The following GRID2 variants were observed in gnomAD, a reference collection of about 807,000 sequenced individuals.
GRID2 encodes the protein glutamate ionotropic receptor delta type subunit 2, also known as glutamate receptor ionotropic, delta-2.
In GRID2, 33 loss-of-function variants were observed where a neutral mutation model predicts 114.8. The ratio of observed to expected loss-of-function variants is 0.29; its 90% CI spans 0.22 to 0.38. The LOEUF (loss-of-function observed/expected upper bound fraction) is 0.38, where lower values mean the gene tolerates loss of function less well. Among genes scored for constraint, GRID2 ranks in the 10% least tolerant of loss-of-function variants. The probability of loss-of-function intolerance (pLI) is 1.00; values close to 1 mark genes in which losing one functional copy is unlikely to be tolerated. For synonymous variants in GRID2, 505 were observed against 449.9 expected (o/e 1.12, Z -1.55); for missense variants, 1,184 against 1,257.7 (o/e 0.94, Z 0.89).
At chr4:93,412,023 A>C (rs975738397) in intron 9 of GRID2, among the ~76,000 whole-genome samples, 57 of 152,084 alleles carry the variant, frequency 3.7e-4, no homozygotes, top group Admixed American at 3.2e-3. Flanking sequence ...AAAATGACCT[A>C]TAGTCCAACT....
chr4:93,681,662 A>G (rs1250952843), intron 14 of GRID2, among the ~76,000 whole-genome samples: 1 of 152,232 alleles, frequency 6.6e-6, no homozygotes, highest in African/African-American at 2.4e-5. Context: ...CAAACCTGAC[A>G]AAAACAACCA....
At chr4:93,764,712 A>C (rs1444240439) in intron 14 of GRID2, among the ~76,000 whole-genome samples, 1 of 152,166 alleles carries the variant, frequency 6.6e-6, no homozygotes, top group Non-Finnish European at 1.5e-5. Context: ...AGCTAAACTT[A>C]TTTCTAATAG....
At chr4:93,115,597 CT>C (rs1194656872) in intron 4 of GRID2, among the ~76,000 whole-genome samples, 1 of 152,006 alleles carries the variant, frequency 6.6e-6, no homozygotes, top group Non-Finnish European at 1.5e-5. Context: ...TCTCATGCTG[CT>C]GATAAGGCCA....
intron 2 of GRID2, among the ~76,000 whole-genome samples, chr4:92,830,719 G>T (rs924501813): frequency 1.3e-5 from 2 of 152,106 alleles, no homozygotes; most frequent in Non-Finnish European, 2.9e-5. Context: ...TATTTTTTAA[G>T]TTGTTTTCTT....
chr4:93,479,567 C>A (rs72668766), intron 11 of GRID2, among the ~76,000 whole-genome samples: 1 of 152,080 alleles, frequency 6.6e-6, no homozygotes, highest in South Asian at 2.1e-4. Flanking sequence ...GGCCAAAGGC[C>A]TGAGAACCTG....
intron 1 of GRID2, among the ~76,000 whole-genome samples, chr4:92,341,973 T>C (rs1727516286): frequency 6.6e-6 from 1 of 151,962 alleles, no homozygotes; most frequent in Non-Finnish European, 1.5e-5. Flanking sequence ...TCATCCATTG[T>C]ACCTTGCTGG....
intron 4 of GRID2, among the ~76,000 whole-genome samples, chr4:93,205,817 C>T (rs1437538112): frequency 6.6e-6 from 1 of 152,010 alleles, no homozygotes; most frequent in Non-Finnish European, 1.5e-5. Context: ...TCTCCAGCAC[C>T]TGTTGTTTCC....
At chr4:93,388,920 G>C (rs1764584255) in intron 8 of GRID2, among the ~76,000 whole-genome samples, 1 of 152,162 alleles carries the variant, frequency 6.6e-6, no homozygotes, top group Non-Finnish European at 1.5e-5. Context: ...CTTAATCTTA[G>C]AGATATCTGA....
At chr4:93,613,944 C>G (rs914324596) in intron 13 of GRID2, among the ~76,000 whole-genome samples, 6 of 151,856 alleles carry the variant, frequency 4.0e-5, no homozygotes, top group Middle Eastern at 3.4e-3. Context: ...TCTCAGACTG[C>G]TGTGCTAGCA....
chr4:93,659,204 A>G (rs1264212359), intron 14 of GRID2, among the ~76,000 whole-genome samples: 2 of 152,190 alleles, frequency 1.3e-5, no homozygotes, highest in Admixed American at 1.3e-4. Context: ...AAAGGGCCAT[A>G]TGACATCCCA....
intron 1 of GRID2, among the ~76,000 whole-genome samples, chr4:92,571,095 G>A (rs1259793554): frequency 6.6e-6 from 1 of 151,986 alleles, no homozygotes; most frequent in Admixed American, 6.6e-5. Flanking sequence ...AGCATATATG[G>A]CTGTTATTAT....
chr4:92,829,828 A>G (rs1289444748), intron 2 of GRID2, among the ~76,000 whole-genome samples: 2 of 152,086 alleles, frequency 1.3e-5, no homozygotes, highest in Non-Finnish European at 2.9e-5. Flanking sequence ...AAACTAACAC[A>G]GCAATGGAAA....
intron 2 of GRID2, among the ~76,000 whole-genome samples, chr4:92,895,970 A>G (rs771240200): frequency 9.8e-5 from 15 of 152,318 alleles, no homozygotes; most frequent in East Asian, 1.9e-4. Context: ...CATGATTTAC[A>G]TAACAGAAAA....
At position 92,470,873 on chromosome 4, in the gene GRID2, T is replaced by C. The variant is rs553434181; in HGVS notation, c.89-119258T>C. On this transcript the variant is annotated intron_variant, in intron 1 of 15. Transcript: ENST00000282020. Reference sequence around the variant, plus strand: ...TTTTCCCATTTTACAGATTTAAAAATGATGCTTTCAAAGTAGGCTTAACTG... The same window carrying C: ...TTTTCCCATTTTACAGATTTAAAAACGATGCTTTCAAAGTAGGCTTAACTG... 2.0e-5 allele frequency among the ~76,000 whole-genome samples: 3 copies of C among 152,162 alleles called. No individual in the cohort carries two copies. In the East Asian group the frequency reaches 5.8e-4, roughly 29 times the overall value.
chr4:92,971,152 A>G (rs1422827178), intron 2 of GRID2, among the ~76,000 whole-genome samples: 1 of 152,020 alleles, frequency 6.6e-6, no homozygotes, highest in African/African-American at 2.4e-5. Flanking sequence ...AAAGCTTTAA[A>G]CTAAATAAGT....
chr4:92,967,372 T>C (rs1173798827), intron 2 of GRID2, among the ~76,000 whole-genome samples: 2 of 152,022 alleles, frequency 1.3e-5, no homozygotes, highest in African/African-American at 4.8e-5. Context: ...TCAATTATTA[T>C]TGCTTTTTGA....
intron 2 of GRID2, among the ~76,000 whole-genome samples, chr4:92,904,264 G>A (rs1220113557): frequency 2.0e-5 from 3 of 150,370 alleles, no homozygotes; most frequent in South Asian, 2.1e-4. Context: ...AAGTTTCAAA[G>A]CATTAGCTTG....
chr4:93,492,313 T>G (rs1727085465), intron 12 of GRID2, among the ~76,000 whole-genome samples: 1 of 151,854 alleles, frequency 6.6e-6, no homozygotes, highest in South Asian at 2.1e-4. Flanking sequence ...AATAACTCAT[T>G]TTATAAATGA....
At chr4:92,373,818 G>T (rs1357162105) in intron 1 of GRID2, among the ~76,000 whole-genome samples, 1 of 152,016 alleles carries the variant, frequency 6.6e-6, no homozygotes, top group African/African-American at 2.4e-5. Context: ...AACTCTCTAG[G>T]ATGAGTACAT....
Sources: gnomAD v4.1 joint callset for allele counts (sites outside exome capture counted in the v4.1 genomes callset) on GRCh38, gnomAD v4.1.1 for gene constraint, MANE v1.5 for transcripts, NCBI Gene and HGNC (gene_info 2026-07-23, HGNC 2026-07-21) for gene names.